The following TMEM135 variants were observed in gnomAD, a reference collection of about 807,000 sequenced individuals.
TMEM135 encodes transmembrane protein 135.
TMEM135 carries 30 observed loss-of-function variants against 60.3 expected under a neutral mutation model. That is an observed-to-expected ratio of 0.50 (90% confidence interval 0.37 to 0.68). The LOEUF (loss-of-function observed/expected upper bound fraction) is 0.68. TMEM135 is among the 30% of genes least tolerant of loss of function. The pLI is 0.00. For missense variants in TMEM135, 468 were observed against 548.8 expected (o/e 0.85, Z 1.47); for synonymous variants, 190 against 186.7 (o/e 1.02, Z -0.14).
chr11:87,053,177 G>C (rs1428228092), intron 1 of TMEM135, among the ~76,000 whole-genome samples: 1 of 92,198 alleles, frequency 1.1e-5, no homozygotes, highest in African/African-American at 4.3e-5. Context: ...GGTCGGGGGA[G>C]GGGGGAGGGA....
chr11:87,124,170 C>G (rs1937655632), intron 4 of TMEM135, among the ~76,000 whole-genome samples: 1 of 152,030 alleles, frequency 6.6e-6, no homozygotes, highest in Admixed American at 6.6e-5. Context: ...AAACAGAAAC[C>G]AATTTGGTTG....
At chr11:87,298,805 C>T (rs1429736138) in intron 7 of TMEM135, among the ~76,000 whole-genome samples, 2 of 40,710 alleles carry the variant, frequency 4.9e-5, no homozygotes, top group Non-Finnish European at 1.1e-4. Flanking sequence ...AAAAAAAAAA[C>T]AGCCGGGCAC....
intron 3 of TMEM135, among the ~76,000 whole-genome samples, chr11:87,073,761 AG>A (rs374376885): frequency 6.0e-5 from 9 of 151,156 alleles, no homozygotes; most frequent in Non-Finnish European, 7.4e-5. Flanking sequence ...TCTGCCTCCC[AG>A]GTTCAAGCGA....
intron 5 of TMEM135, chr11:87,178,353 T>C: frequency 2.2e-6 from 1 of 454,156 alleles, no homozygotes; most frequent in South Asian, 1.6e-5. Context: ...TGCCACAATC[T>C]AAACTCTCTT....
chr11:87,182,630 C>T (rs1378174872), intron 5 of TMEM135, among the ~76,000 whole-genome samples: 1 of 152,048 alleles, frequency 6.6e-6, no homozygotes, highest in Non-Finnish European at 1.5e-5. Flanking sequence ...TCTGAAGGTA[C>T]TTTCATTTAC....
At position 87,095,994 on chromosome 11, in the gene TMEM135, C is replaced by T. The variant is rs536037245; in HGVS notation, c.396+4599C>T. On this transcript the variant is annotated intron_variant, in intron 4 of 14. Coordinates refer to ENST00000305494, the MANE Select transcript of TMEM135 (RefSeq NM_022918.4). Reference sequence around the variant, plus strand: ...CCATCTCAAAAAAAAAAAAAAAAGCCGTTGGTAATCTGCAATTTGGGATAC... The same window carrying T: ...CCATCTCAAAAAAAAAAAAAAAAGCTGTTGGTAATCTGCAATTTGGGATAC... 13 of 197,220 alleles carry T rather than the reference C, an allele frequency of 6.6e-5. 1 individual carries two copies. In the South Asian group the frequency reaches 9.9e-4, roughly 15 times the overall value. 12.2% of individuals were successfully genotyped at this position (197,220 alleles called of 1,614,324 possible). A position where few individuals can be genotyped will look rare whatever the true frequency, so the allele number is the denominator to read the frequency against.
At chr11:87,259,066 AG>A (rs1186522147) in intron 6 of TMEM135, 9 of 1,290,384 alleles carry the variant, frequency 7.0e-6, no homozygotes, top group Middle Eastern at 2.2e-4. Flanking sequence ...AGCCACAAAG[AG>A]GGAGAGAAAG....
intron 1 of TMEM135, among the ~76,000 whole-genome samples, chr11:87,041,836 G>A (rs1949752661): frequency 6.6e-6 from 1 of 152,202 alleles, no homozygotes; most frequent in African/African-American, 2.4e-5. Flanking sequence ...AGTTCTAGAG[G>A]CATTTTGTGG....
chr11:87,236,341 A>T (rs1355778798), intron 5 of TMEM135, among the ~76,000 whole-genome samples: 1 of 151,962 alleles, frequency 6.6e-6, no homozygotes, highest in Non-Finnish European at 1.5e-5. Context: ...ATACACTAAC[A>T]CTAATGATAG....
chr11:87,216,939 G>C (rs1319865106), intron 5 of TMEM135, among the ~76,000 whole-genome samples: 1 of 152,154 alleles, frequency 6.6e-6, no homozygotes, highest in Non-Finnish European at 1.5e-5. Flanking sequence ...TAAGTAAGTA[G>C]TGTATGTAAT....
At chr11:87,042,100 G>A (rs1372505072) in intron 1 of TMEM135, among the ~76,000 whole-genome samples, 3 of 152,350 alleles carry the variant, frequency 2.0e-5, no homozygotes, top group Admixed American at 2.0e-4. Flanking sequence ...GTGTATACAC[G>A]GGAGCCTTCA....
chr11:87,308,521 G>C (rs1451556148), intron 9 of TMEM135, among the ~76,000 whole-genome samples: 1 of 151,986 alleles, frequency 6.6e-6, no homozygotes, highest in African/African-American at 2.4e-5. Context: ...TTCTGGAAAA[G>C]AAAGCTGCAG....
chr11:87,319,113 C>T, intron 13 of TMEM135, 197 bp from the exon 14 acceptor site: 1 of 551,592 alleles, frequency 1.8e-6, no homozygotes, highest in Non-Finnish European at 3.2e-6. Flanking sequence ...AGGTAATCTG[C>T]CCGCCTCGGC....
intron 1 of TMEM135, among the ~76,000 whole-genome samples, chr11:87,066,922 A>G (rs1397230596): frequency 1.3e-5 from 2 of 150,732 alleles, no homozygotes. Flanking sequence ...CTGGGACTAC[A>G]GGCGCCCACC....
chr11:87,293,327 A>T (rs184150410), intron 6 of TMEM135, among the ~76,000 whole-genome samples: 258 of 152,262 alleles, frequency 1.7e-3, no homozygotes, highest in African/African-American at 4.8e-3. Context: ...CTCACTGTTA[A>T]CATGACTAGA....
chr11:87,063,563 T>G (rs1291404735), intron 1 of TMEM135, among the ~76,000 whole-genome samples: 1 of 152,248 alleles, frequency 6.6e-6, no homozygotes, highest in African/African-American at 2.4e-5. Context: ...TTTCATGCTG[T>G]AGTGTGCTGT....
intron 5 of TMEM135, among the ~76,000 whole-genome samples, chr11:87,202,754 C>T (rs1332600714): frequency 5.4e-5 from 8 of 147,718 alleles, no homozygotes; most frequent in Non-Finnish European, 8.9e-5. Context: ...AAAAGCAGAC[C>T]GGGCACGGTG....
At chr11:87,253,632 CATATATAT>C (rs60680451) in intron 6 of TMEM135, among the ~76,000 whole-genome samples, 1 of 128,350 alleles carries the variant, frequency 7.8e-6, no homozygotes, top group African/African-American at 2.9e-5. Flanking sequence ...AAGGATGAGC[CATATATAT>C]ATATATATAT....
chr11:87,231,937 CAT>C (rs1940897335), intron 5 of TMEM135, among the ~76,000 whole-genome samples: 1 of 149,270 alleles, frequency 6.7e-6, no homozygotes, highest in Non-Finnish European at 1.5e-5. Context: ...TAAAATGAAA[CAT>C]AGAGAGAAAA....
Sources: gnomAD v4.1 joint callset for allele counts (sites outside exome capture counted in the v4.1 genomes callset) on GRCh38, gnomAD v4.1.1 for gene constraint, MANE v1.5 for transcripts, NCBI Gene and HGNC (gene_info 2026-07-23, HGNC 2026-07-21) for gene names.